WWOX: variants seen among roughly 807,000 people sequenced by gnomAD.
The protein encoded by WWOX is WW domain containing oxidoreductase.
In WWOX, 69 loss-of-function variants were observed where a neutral mutation model predicts 46.2. That is an observed-to-expected ratio of 1.49 (90% CI 1.23 to 1.82). WWOX has a LOEUF of 1.82. Ranked by LOEUF, WWOX falls within the 40% of genes most tolerant of loss-of-function variation. The pLI is 0.00. For missense variants in WWOX, 919 were observed against 542.6 expected (o/e 1.69, Z -6.89); for synonymous variants, 359 against 202.6 (o/e 1.77, Z -6.56).
chr16:79,108,013 A>G (rs915692369), intron 8 of WWOX, among the ~76,000 whole-genome samples: 4 of 152,238 alleles, frequency 2.6e-5, no homozygotes, highest in Admixed American at 2.6e-4. Flanking sequence ...ATGTATTACA[A>G]AATATCTGGG....
At chr16:78,881,098 C>T (rs1289009787) in intron 8 of WWOX, among the ~76,000 whole-genome samples, 1 of 150,006 alleles carries the variant, frequency 6.7e-6, no homozygotes, top group Admixed American at 6.7e-5. Flanking sequence ...CGCAAGTGAT[C>T]CTCCTACCTC....
Position 78,933,441 on chromosome 16 carries a change from GAAAC to G in WWOX, c.1057-278155_1057-278152del, listed in dbSNP as rs1245790168. Among the ~76,000 whole-genome samples the G allele has an allele frequency of 2.7e-4, 41 of 151,300 alleles. No individual in the cohort carries two copies. In the East Asian group the frequency reaches 7.4e-3, roughly 27 times the overall value. ...GCAACAGAGGGAGACTCCGTCTCAA[GAAAC>G]AAACAAACAAAAAAAGTCAAGATGT... On this transcript the variant is annotated intron_variant, in intron 8 of 8. Coordinates refer to ENST00000566780, the MANE Select transcript of WWOX (RefSeq NM_016373.4).
At chr16:78,734,841 C>CCTTTTTTTT (rs2049047771) in intron 8 of WWOX, among the ~76,000 whole-genome samples, 1 of 40,086 alleles carries the variant, frequency 2.5e-5, no homozygotes, top group African/African-American at 9.2e-5. Flanking sequence ...GACTTCAGTC[C>CCTTTTTTTT]TTTTTTTTTT....
At chr16:78,173,250 A>G (rs1338775057) in intron 5 of WWOX, among the ~76,000 whole-genome samples, 1 of 152,108 alleles carries the variant, frequency 6.6e-6, no homozygotes, top group African/African-American at 2.4e-5. Context: ...TGTGAATACT[A>G]ACTCACTCGG....
At chr16:78,356,682 A>G (rs969795193) in intron 5 of WWOX, among the ~76,000 whole-genome samples, 39 of 152,188 alleles carry the variant, frequency 2.6e-4, no homozygotes, top group African/African-American at 9.2e-4. Context: ...GCAGTTGAAG[A>G]CCAGCCTGGC....
chr16:79,033,553 G>A (rs571405232), intron 8 of WWOX, among the ~76,000 whole-genome samples: 10 of 152,000 alleles, frequency 6.6e-5, no homozygotes, highest in African/African-American at 1.9e-4. Flanking sequence ...TACCACATGC[G>A]TAGCCACCCC....
intron 8 of WWOX, among the ~76,000 whole-genome samples, chr16:78,999,464 C>T (rs1043215973): frequency 9.2e-5 from 14 of 152,132 alleles, no homozygotes; most frequent in African/African-American, 2.7e-4. Context: ...GAGCGAAACT[C>T]CTTCTCAAGA....
intron 5 of WWOX, among the ~76,000 whole-genome samples, chr16:78,311,338 C>A (rs550830101): frequency 2.0e-5 from 3 of 152,106 alleles, no homozygotes; most frequent in African/African-American, 7.2e-5. Flanking sequence ...GAACACTTAA[C>A]AGAGTCAAGC....
intron 8 of WWOX, among the ~76,000 whole-genome samples, chr16:78,543,910 A>G (rs889014697): frequency 6.6e-6 from 1 of 152,156 alleles, no homozygotes; most frequent in African/African-American, 2.4e-5. Context: ...TCATCAATAA[A>G]CTAACATCTC....
At chr16:78,889,098 T>A (rs931248171) in intron 8 of WWOX, among the ~76,000 whole-genome samples, 2 of 152,132 alleles carry the variant, frequency 1.3e-5, no homozygotes, top group East Asian at 3.9e-4. Context: ...GAGGTCAGCT[T>A]CACTGCCTGC....
intron 8 of WWOX, among the ~76,000 whole-genome samples, chr16:79,079,026 T>C (rs992639768): frequency 1.3e-5 from 2 of 152,214 alleles, no homozygotes; most frequent in Non-Finnish European, 2.9e-5. Flanking sequence ...TTGACCTGCA[T>C]TGATCAAGGT....
intron 8 of WWOX, among the ~76,000 whole-genome samples, chr16:78,884,972 G>C (rs775918079): frequency 2.0e-5 from 3 of 152,022 alleles, no homozygotes; most frequent in African/African-American, 4.8e-5. Context: ...TACCCTCTGA[G>C]ACCCCACCAA....
At chr16:78,365,588 G>A (rs927045935) in intron 5 of WWOX, among the ~76,000 whole-genome samples, 2 of 152,168 alleles carry the variant, frequency 1.3e-5, no homozygotes, top group African/African-American at 2.4e-5. Context: ...GAATCATAGT[G>A]TTGCTTGTAA....
chr16:78,215,699 A>G (rs1016629819), intron 5 of WWOX, among the ~76,000 whole-genome samples: 1 of 152,116 alleles, frequency 6.6e-6, no homozygotes, highest in Non-Finnish European at 1.5e-5. Flanking sequence ...AGGCCGAGGC[A>G]GATGGATCAC....
chr16:78,505,128 C>T (rs1239743327), intron 8 of WWOX, among the ~76,000 whole-genome samples: 2 of 152,118 alleles, frequency 1.3e-5, no homozygotes, highest in Admixed American at 1.3e-4. Context: ...CCAGGCAGCC[C>T]CCACTCTTCA....
At chr16:78,774,040 AT>A (rs1442583809) in intron 8 of WWOX, among the ~76,000 whole-genome samples, 2 of 152,160 alleles carry the variant, frequency 1.3e-5, no homozygotes, top group African/African-American at 4.8e-5. Flanking sequence ...CATCAACTTA[AT>A]TTTTTCATGT....
intron 8 of WWOX, among the ~76,000 whole-genome samples, chr16:78,913,660 G>GTTT (rs112963247): frequency 6.8e-6 from 1 of 147,062 alleles, no homozygotes. Context: ...TACTGCTACA[G>GTTT]TTTTTTTTTT....
At chr16:78,640,576 G>T (rs1029842176) in intron 8 of WWOX, among the ~76,000 whole-genome samples, 1 of 152,084 alleles carries the variant, frequency 6.6e-6, no homozygotes, top group African/African-American at 2.4e-5. Flanking sequence ...AAACCACCAT[G>T]GCACACATTT....
chr16:79,193,067 G>A (rs1042378984), intron 8 of WWOX, among the ~76,000 whole-genome samples: 4 of 152,156 alleles, frequency 2.6e-5, no homozygotes, highest in Admixed American at 1.3e-4. Flanking sequence ...AATTCTCTAC[G>A]ATCTTTGACC....
Sources: gnomAD v4.1 joint callset for allele counts (sites outside exome capture counted in the v4.1 genomes callset) on GRCh38, gnomAD v4.1.1 for gene constraint, MANE v1.5 for transcripts, NCBI Gene and HGNC (gene_info 2026-07-23, HGNC 2026-07-21) for gene names.